UBASH3B: variants seen among roughly 807,000 people sequenced by gnomAD.
UBASH3B encodes the protein ubiquitin-associated and SH3 domain-containing protein B.
In UBASH3B, 37 loss-of-function variants were observed where a neutral mutation model predicts 83.4. The observed-to-expected ratio is 0.44, with a 90% CI of 0.34 to 0.58. The LOEUF is 0.58. Among genes scored for constraint, UBASH3B ranks in the 20% least tolerant of loss-of-function variants. The pLI is 0.01. For synonymous variants in UBASH3B, 304 were observed against 318.3 expected (o/e 0.96, Z 0.48); for missense variants, 657 against 827.2 (o/e 0.79, Z 2.52).
At chr11:122,789,473 G>T (rs1861014023) in intron 6 of UBASH3B, among the ~76,000 whole-genome samples, 165 bp downstream of exon 6, 1 of 152,180 alleles carries the variant, frequency 6.6e-6, no homozygotes. Context: ...AATGCGAAAT[G>T]GATTGCTCTG....
chr11:122,778,665 C>T (rs1260761299), intron 3 of UBASH3B, among the ~76,000 whole-genome samples: 1 of 148,468 alleles, frequency 6.7e-6, no homozygotes, highest in African/African-American at 2.5e-5. Flanking sequence ...AGTGCAGTGG[C>T]GTGATCTTGG....
At chr11:122,681,794 T>C (rs1328254075) in intron 1 of UBASH3B, among the ~76,000 whole-genome samples, 3 of 152,122 alleles carry the variant, frequency 2.0e-5, no homozygotes, top group African/African-American at 7.2e-5. Context: ...ATGCTTCTAT[T>C]TGGAGGCTGG....
chr11:122,680,086 C>T (rs980123479), intron 1 of UBASH3B, among the ~76,000 whole-genome samples: 8 of 152,204 alleles, frequency 5.3e-5, no homozygotes, highest in African/African-American at 1.9e-4. Flanking sequence ...CCGCCTCGGC[C>T]TCCCAAAGTG....
chr11:122,677,953 G>C (rs1199814386), intron 1 of UBASH3B, among the ~76,000 whole-genome samples: 1 of 152,146 alleles, frequency 6.6e-6, no homozygotes, highest in Non-Finnish European at 1.5e-5. Context: ...TCCATGCCCA[G>C]CTAGTTTTTG....
chr11:122,745,982 T>C (rs1861111639), intron 1 of UBASH3B, among the ~76,000 whole-genome samples: 1 of 152,240 alleles, frequency 6.6e-6, no homozygotes, highest in Non-Finnish European at 1.5e-5. Flanking sequence ...TTGTTTTGTC[T>C]ATCACTGAAG....
intron 1 of UBASH3B, among the ~76,000 whole-genome samples, chr11:122,682,236 T>G (rs1863750296): frequency 6.6e-6 from 1 of 152,344 alleles, no homozygotes; most frequent in Middle Eastern, 3.4e-3. Flanking sequence ...ATTTAGTAGT[T>G]GACTGTGTGG....
chr11:122,696,363 C>T (rs1863965817), intron 1 of UBASH3B, among the ~76,000 whole-genome samples: 1 of 129,464 alleles, frequency 7.7e-6, no homozygotes, highest in Non-Finnish European at 1.6e-5. Context: ...GAGATGAAGA[C>T]TCGTTCTGTC....
chr11:122,783,043 CT>C lies in UBASH3B; in HGVS notation c.602-5del. 2 of 1,606,250 alleles carry C rather than the reference CT, an allele frequency of 1.2e-6. No homozygotes were observed. Among genetic ancestry groups the C allele is most frequent in the Admixed American group, 1.7e-5 (1 of 58,034 alleles). ...CTTTTAATTACTGACCTTTTTCTTC[CT>C]TTTTCCAGAAGTGCATGTGGAACCT... On this transcript the variant is annotated splice_polypyrimidine_tract_variant and intron_variant, in intron 4 of 13. Transcript: ENST00000284273.
chr11:122,688,935 C>T (rs1334600576), intron 1 of UBASH3B, among the ~76,000 whole-genome samples: 6 of 150,658 alleles, frequency 4.0e-5, no homozygotes, highest in African/African-American at 1.5e-4. Context: ...TGAGCCACCG[C>T]GCCCGGCTAA....
chr11:122,771,256 G>C (rs942719680), intron 1 of UBASH3B, among the ~76,000 whole-genome samples: 3 of 147,006 alleles, frequency 2.0e-5, no homozygotes, highest in Non-Finnish European at 3.0e-5. Flanking sequence ...TTCTGAGATG[G>C]AGTTTTGCTC....
intron 5 of UBASH3B, among the ~76,000 whole-genome samples, chr11:122,785,276 C>T (rs1860927178): frequency 6.6e-6 from 1 of 152,226 alleles, no homozygotes; most frequent in South Asian, 2.1e-4. Flanking sequence ...CTCTCCTCGG[C>T]CCCTTTGGAC....
chr11:122,746,212 G>A (rs1028276701), intron 1 of UBASH3B, among the ~76,000 whole-genome samples: 4 of 152,184 alleles, frequency 2.6e-5, no homozygotes, highest in Non-Finnish European at 5.9e-5. Flanking sequence ...GCATTGAGTA[G>A]GGCAGCTTTT....
At position 122,797,033 on chromosome 11, in the gene UBASH3B, G is replaced by C; in HGVS notation, c.1357G>C (p.Gly453Arg). The C allele has an allele frequency of 6.2e-7, 1 of 1,606,224 alleles. No homozygotes were observed. The highest frequency in any genetic ancestry group is 8.5e-7 in the Non-Finnish European group (1 of 1,176,062). The change falls in exon 9 of 14, where the codon GGT becomes CGT. Residue 453 changes from glycine to arginine, a missense_variant and splice_region_variant. Transcript: ENST00000284273. ...TGGATGCATGCAAGCAAGACTAGTG[G>C]GTAAGTATCCTGGAGTGACTGCACT... is the stretch of plus-strand genomic sequence containing the variant. The part of the protein sequence containing the change: ...VFGCMQARLV[G>R]EALLESNTII...
chr11:122,700,622 C>G (rs1192983839), intron 1 of UBASH3B, among the ~76,000 whole-genome samples: 3 of 151,702 alleles, frequency 2.0e-5, no homozygotes, highest in Admixed American at 2.0e-4. Context: ...TCAGCCTCCC[C>G]AGTAGCTGGG....
chr11:122,660,364 C>T (rs1296142247), intron 1 of UBASH3B, among the ~76,000 whole-genome samples: 1 of 152,116 alleles, frequency 6.6e-6, no homozygotes, highest in Admixed American at 6.6e-5. Context: ...AATGGCCAAT[C>T]GCTTCCTTTT....
At chr11:122,809,646 A>C (rs1039257559) in intron 13 of UBASH3B, 103 bp from the exon 14 acceptor site, 9 of 1,246,036 alleles carry the variant, frequency 7.2e-6, no homozygotes, top group Non-Finnish European at 7.9e-6. Flanking sequence ...TCCATTTCTG[A>C]CTGCAATTCT....
chr11:122,712,909 T>C (rs994793394), intron 1 of UBASH3B, among the ~76,000 whole-genome samples: 1 of 127,020 alleles, frequency 7.9e-6, no homozygotes. Context: ...TTTTTTTTTT[T>C]TTTTTTTTTT....
intron 1 of UBASH3B, among the ~76,000 whole-genome samples, chr11:122,761,094 A>G (rs1861363506): frequency 6.6e-6 from 1 of 152,154 alleles, no homozygotes; most frequent in Non-Finnish European, 1.5e-5. Context: ...AGGAGTTTCA[A>G]ATCTTCACGA....
intron 1 of UBASH3B, among the ~76,000 whole-genome samples, chr11:122,661,241 A>G (rs1409657126): frequency 6.6e-6 from 1 of 152,234 alleles, no homozygotes; most frequent in Non-Finnish European, 1.5e-5. Context: ...AAGAGCTGGA[A>G]TGAGCGCTTT....
Sources: allele counts gnomAD v4.1 joint callset (sites outside exome capture counted in the v4.1 genomes callset), GRCh38; gene constraint gnomAD v4.1.1; transcripts MANE v1.5; gene names NCBI Gene and HGNC (gene_info 2026-07-23, HGNC 2026-07-21).